The following DOCK3 variants were observed in gnomAD, a reference collection of about 807,000 sequenced individuals.
The protein encoded by DOCK3 is dedicator of cytokinesis 3.
A neutral mutation model predicts 265.6 loss-of-function variants in DOCK3; 60 were observed. The ratio of observed to expected loss-of-function variants is 0.23; its 90% confidence interval spans 0.18 to 0.28. DOCK3 has a LOEUF of 0.28. DOCK3 is among the 10% of genes least tolerant of loss of function. DOCK3 has a pLI of 1.00. For missense variants in DOCK3, 1,981 were observed against 2,594.3 expected, an observed-to-expected ratio of 0.76 and a Z score of 5.14; for synonymous variants, 881 against 938.0, an observed-to-expected ratio of 0.94 and a Z score of 1.11.
chr3:50,929,307 T>G (rs1021547270), intron 4 of DOCK3, among the ~76,000 whole-genome samples: 1 of 152,174 alleles, frequency 6.6e-6, no homozygotes, highest in African/African-American at 2.4e-5. Flanking sequence ...AACAGCATTT[T>G]AGAGCTTCTT....
intron 2 of DOCK3, chr3:50,787,047 C>T (rs1452371226): frequency 1.4e-6 from 1 of 738,442 alleles, no homozygotes; most frequent in South Asian, 1.4e-5. Context: ...TTCTTTTCTT[C>T]ATATCCATGG....
intron 21 of DOCK3, among the ~76,000 whole-genome samples, chr3:51,241,823 ATTGTT>A (rs2078624900): frequency 6.6e-6 from 1 of 152,166 alleles, no homozygotes; most frequent in South Asian, 2.1e-4. Flanking sequence ...CAGCTCCTGC[ATTGTT>A]TTATCATGAT....
At chr3:50,918,862 TA>T (rs1230562634) in intron 4 of DOCK3, among the ~76,000 whole-genome samples, 1 of 152,238 alleles carries the variant, frequency 6.6e-6, no homozygotes, top group Non-Finnish European at 1.5e-5. Flanking sequence ...TGGTATTGCC[TA>T]GGTTTTCTTC....
chr3:51,310,107 G>C, intron 27 of DOCK3, 125 bp from the exon 28 acceptor site: 2 of 741,118 alleles, frequency 2.7e-6, no homozygotes, highest in Non-Finnish European at 4.7e-6. Context: ...ACAACTCACA[G>C]AGAGAACCAG....
At chr3:51,172,179 C>T (rs1576313619) in intron 12 of DOCK3, among the ~76,000 whole-genome samples, 2 of 137,294 alleles carry the variant, frequency 1.5e-5, no homozygotes, top group Non-Finnish European at 1.6e-5. Flanking sequence ...AATATCGTTT[C>T]TTTTTTTTTT....
intron 13 of DOCK3, 80 bp from the exon 14 acceptor site, chr3:51,214,042 G>A (rs2089648387): frequency 3.2e-6 from 5 of 1,579,946 alleles, no homozygotes; most frequent in Admixed American, 1.8e-5. Context: ...ATTTTCTTCT[G>A]GAAAATGTGA....
intron 7 of DOCK3, among the ~76,000 whole-genome samples, chr3:51,082,525 C>G (rs2082277556): frequency 6.6e-6 from 1 of 152,208 alleles, no homozygotes; most frequent in African/African-American, 2.4e-5. Context: ...AGCTGCATGT[C>G]TGGGGCTACT....
At chr3:50,837,473 A>G (rs1450087442) in intron 2 of DOCK3, among the ~76,000 whole-genome samples, 2 of 152,114 alleles carry the variant, frequency 1.3e-5, no homozygotes, top group Non-Finnish European at 2.9e-5. Flanking sequence ...CTCCTTATAA[A>G]ACCTTCAGAT....
chr3:50,809,736 A>G (rs1228637806), intron 2 of DOCK3, among the ~76,000 whole-genome samples: 1 of 152,224 alleles, frequency 6.6e-6, no homozygotes, highest in African/African-American at 2.4e-5. Flanking sequence ...TTATTGCTAC[A>G]TACAATACGA....
At chr3:50,901,857 A>C (rs2049219555) in intron 4 of DOCK3, among the ~76,000 whole-genome samples, 1 of 152,164 alleles carries the variant, frequency 6.6e-6, no homozygotes, top group African/African-American at 2.4e-5. Flanking sequence ...GGAAATGTTG[A>C]AATCACCCAC....
intron 1 of DOCK3, among the ~76,000 whole-genome samples, chr3:50,734,836 C>G (rs559289549): frequency 3.9e-5 from 6 of 152,120 alleles, no homozygotes; most frequent in Non-Finnish European, 8.8e-5. Context: ...ATCTCCTGAC[C>G]TTGTGATCTG....
rs191243853 is a variant in DOCK3 at position 50,872,247 on chromosome 3, G to C, written c.163-17779G>C. Among the ~76,000 whole-genome samples, 614 of 152,332 alleles carry C rather than the reference G, an allele frequency of 4.0e-3. 3 individuals carry two copies. Among genetic ancestry groups the C allele is most frequent in the African/African-American group, 0.014 (582 of 41,572 alleles). ...TGTGATTTAAGCTGTGTCTGCTTTA[G>C]GGGGGACCCCAAGTCTAGTTAATGC... On this transcript the variant is annotated intron_variant, in intron 3 of 52. Transcript: ENST00000266037.
intron 1 of DOCK3, among the ~76,000 whole-genome samples, chr3:50,760,255 C>T (rs2040442924): frequency 6.6e-6 from 1 of 152,150 alleles, no homozygotes. Flanking sequence ...GTTGAAAAGA[C>T]AGTCAGTTCT....
At chr3:51,047,029 G>A (rs1390488715) in intron 5 of DOCK3, among the ~76,000 whole-genome samples, 1 of 152,074 alleles carries the variant, frequency 6.6e-6, no homozygotes, top group Admixed American at 6.6e-5. Flanking sequence ...TGTATAGGAT[G>A]CAGGAGAATC....
rs370838531 is a variant in DOCK3 at position 51,045,394 on chromosome 3, T to C, written c.316-19054T>C. Among the ~76,000 whole-genome samples the C allele has an allele frequency of 1.4e-3, 216 of 152,168 alleles. 4 individuals carry two copies. In the South Asian group the frequency reaches 0.044, roughly 31 times the overall value. On this transcript the variant is annotated intron_variant, in intron 5 of 52. Transcript: ENST00000266037. ...TTTTAATGCCCCAGAACAATTACAATAGTAACATCAGAGATCACTGATCAC... is the reference window on the plus strand; with the variant it reads ...TTTTAATGCCCCAGAACAATTACAACAGTAACATCAGAGATCACTGATCAC...
At chr3:50,880,134 G>A (rs1472427032) in intron 3 of DOCK3, among the ~76,000 whole-genome samples, 1 of 152,204 alleles carries the variant, frequency 6.6e-6, no homozygotes, top group East Asian at 1.9e-4. Flanking sequence ...TTAAAGCAGT[G>A]TGTAGAGGGA....
At position 51,275,090 on chromosome 3, in the gene DOCK3, A is replaced by T; in HGVS notation, c.2560A>T (p.Ile854Phe). ...RLFSFSESRR[I>F]LLPVVLHHIH... ...ATTTTCTCTCCCAGAATCCCGCCGC[A>T]TCCTGCTTCCTGTGGTTCTCCATCA... The change falls in exon 25 of 53, where the codon ATC becomes TTC. Residue 854 changes from isoleucine to phenylalanine, a missense_variant. By Grantham distance (21) the Ile-to-Phe change is conservative. Transcript: ENST00000266037. 1.2e-6 allele frequency: 2 copies of T among 1,613,938 alleles called. No individual in the cohort carries two copies. Among genetic ancestry groups the T allele is most frequent in the Non-Finnish European group, 1.7e-6 (2 of 1,179,890 alleles).
chr3:50,761,750 AT>A, intron 1 of DOCK3, among the ~76,000 whole-genome samples: 1 of 152,278 alleles, frequency 6.6e-6, no homozygotes, highest in African/African-American at 2.4e-5. Context: ...TTCCCATCCC[AT>A]TACTGGGTAT....
At chr3:50,709,003 G>T (rs532428372) in intron 1 of DOCK3, among the ~76,000 whole-genome samples, 1 of 152,128 alleles carries the variant, frequency 6.6e-6, no homozygotes, top group African/African-American at 2.4e-5. Flanking sequence ...CGTTTTATTC[G>T]AGTAAAGCAT....
Sources: allele counts gnomAD v4.1 joint callset (sites outside exome capture counted in the v4.1 genomes callset), GRCh38; gene constraint gnomAD v4.1.1; transcripts MANE v1.5; gene names NCBI Gene and HGNC (gene_info 2026-07-23, HGNC 2026-07-21).